The following SLC22A15 variants were observed in gnomAD, a reference collection of about 807,000 sequenced individuals.
The protein encoded by SLC22A15 is flipt 1.
Under a neutral mutation model 62.7 loss-of-function variants are expected in SLC22A15, and 45 were observed. That is an observed-to-expected ratio of 0.72 (90% CI 0.56 to 0.92). SLC22A15 has a LOEUF of 0.92. Among genes scored for constraint, SLC22A15 ranks in the 40% least tolerant of loss-of-function variants. The pLI is 0.00. For synonymous variants in SLC22A15, 264 were observed against 267.0 expected (o/e 0.99, Z 0.11); for missense variants, 622 against 665.6 (o/e 0.93, Z 0.72).
chr1:116,047,217 A>G (rs1657949241), intron 8 of SLC22A15, among the ~76,000 whole-genome samples: 1 of 152,132 alleles, frequency 6.6e-6, no homozygotes, highest in Admixed American at 6.6e-5. Context: ...TCACAAGGTC[A>G]GGAGTTCGAG....
chr1:115,981,209 C>G (rs1281689), intron 1 of SLC22A15, among the ~76,000 whole-genome samples: 57,319 of 152,100 alleles, frequency 0.38, 11,435 homozygotes, highest in East Asian at 0.58. Context: ...TAGTGAAGCT[C>G]TTGTTCAGTT....
rs140704465 is a variant in SLC22A15 at position 115,991,414 on chromosome 1, A to C, written c.88-617A>C. Among the ~76,000 whole-genome samples the C allele has an allele frequency of 1.7e-3, 264 of 152,360 alleles. 1 individual carries two copies. The highest frequency in any genetic ancestry group is 5.9e-3 in the African/African-American group (246 of 41,590). ...GACTAGGTACAACTCAGGGTTACAA[A>C]ATGAATATCTATAGCTGGGACTTTG... On this transcript the variant is annotated intron_variant, in intron 1 of 11. Transcript: ENST00000369503.
At chr1:116,032,714 AGAAAACCGTT>A (rs1657468346) in intron 6 of SLC22A15, 1 of 912,474 alleles carries the variant, frequency 1.1e-6, no homozygotes, top group Non-Finnish European at 1.3e-6. Flanking sequence ...ATGGAGATTA[AGAAAACCGTT>A]GAAAGCCAAA....
intron 2 of SLC22A15, among the ~76,000 whole-genome samples, chr1:115,998,285 A>T (rs1407329276): frequency 3.9e-5 from 6 of 152,014 alleles, no homozygotes; most frequent in African/African-American, 1.4e-4. Context: ...TGTCAGGGTA[A>T]TACTGGCCTC....
chr1:115,989,846 G>A (rs1432571229), intron 1 of SLC22A15, among the ~76,000 whole-genome samples: 1 of 151,966 alleles, frequency 6.6e-6, no homozygotes, highest in African/African-American at 2.4e-5. Context: ...CTCGCACATA[G>A]TTAGCATTAT....
At chr1:116,035,079 A>T in intron 6 of SLC22A15, 108 bp from the exon 7 acceptor site, 1 of 1,180,584 alleles carries the variant, frequency 8.5e-7, no homozygotes, top group Non-Finnish European at 1.2e-6. Flanking sequence ...ACAGCAGATC[A>T]AGCAATTATA....
chr1:116,001,761 G>A (rs1458214124), intron 2 of SLC22A15, among the ~76,000 whole-genome samples: 1 of 151,992 alleles, frequency 6.6e-6, no homozygotes, highest in Non-Finnish European at 1.5e-5. Flanking sequence ...ATTTCACTGA[G>A]CTTTCTCAAA....
At chr1:116,065,533 G>C (rs1197869886) in intron 10 of SLC22A15, among the ~76,000 whole-genome samples, 2 of 152,126 alleles carry the variant, frequency 1.3e-5, no homozygotes, top group Non-Finnish European at 2.9e-5. Flanking sequence ...TTCAACAACA[G>C]GCCCACAGTG....
chr1:115,980,738 G>A (rs1464986838), intron 1 of SLC22A15, among the ~76,000 whole-genome samples: 1 of 152,074 alleles, frequency 6.6e-6, no homozygotes, highest in Non-Finnish European at 1.5e-5. Flanking sequence ...GAAGGGAAGG[G>A]GTGGGCTTAG....
At chr1:115,983,115 T>G (rs139058285) in intron 1 of SLC22A15, among the ~76,000 whole-genome samples, 149 of 152,368 alleles carry the variant, frequency 9.8e-4, no homozygotes, top group African/African-American at 3.5e-3. Context: ...TGTTAGCACT[T>G]CTAAAAACAT....
chr1:116,041,799 G>C (rs1243623953), intron 8 of SLC22A15, among the ~76,000 whole-genome samples: 4 of 152,076 alleles, frequency 2.6e-5, no homozygotes, highest in Admixed American at 2.6e-4. Context: ...AAACTACTGA[G>C]GCCAGGGGGA....
At position 116,069,935 on chromosome 1, in the gene SLC22A15, C is replaced by T. The variant is rs527734088; in HGVS notation, c.*2827C>T. The stretch of plus-strand genomic sequence containing the variant: ...AGCTTCACATTAGGACTTCTCCATA[C>T]AAATGCTTTATCATTGGTTCTTAAA... On this transcript the variant is annotated 3_prime_UTR_variant, in exon 12 of 12. Transcript: ENST00000369503. 2 of 152,298 alleles carry T rather than the reference C, an allele frequency of 1.3e-5. No individual in the cohort carries two copies. The highest frequency in any genetic ancestry group is 3.4e-3 in the Middle Eastern group (1 of 294). 9.4% of individuals were successfully genotyped at this position (152,298 alleles called of 1,614,324 possible). A position where few individuals can be genotyped will look rare whatever the true frequency, so the allele number is the denominator to read the frequency against.
chr1:116,057,581 C>T (rs1234818361), intron 8 of SLC22A15, among the ~76,000 whole-genome samples: 1 of 152,182 alleles, frequency 6.6e-6, no homozygotes, highest in African/African-American at 2.4e-5. Flanking sequence ...GACTATAAAT[C>T]ATGCTGCTAT....
At chr1:116,058,989 A>G (rs758646284) in intron 8 of SLC22A15, among the ~76,000 whole-genome samples, 1 of 152,224 alleles carries the variant, frequency 6.6e-6, no homozygotes, top group Non-Finnish European at 1.5e-5. Context: ...ATAAAAGACT[A>G]CAAATAGGGT....
At chr1:116,056,711 T>C (rs908535752) in intron 8 of SLC22A15, among the ~76,000 whole-genome samples, 5 of 152,020 alleles carry the variant, frequency 3.3e-5, no homozygotes, top group Non-Finnish European at 7.4e-5. Flanking sequence ...AACAGAGATA[T>C]AGATCAATGG....
intron 8 of SLC22A15, among the ~76,000 whole-genome samples, chr1:116,041,404 G>A (rs1457397419): frequency 6.6e-6 from 1 of 152,148 alleles, no homozygotes; most frequent in Non-Finnish European, 1.5e-5. Flanking sequence ...TTTAAGCTCA[G>A]GCCATGATAG....
chr1:115,992,248 C>G lies in SLC22A15; in HGVS notation c.300+5C>G, dbSNP rs569439509. 6.4e-7 allele frequency: 1 copy of G among 1,565,438 alleles called. No homozygotes were observed. The highest frequency in any genetic ancestry group is 8.7e-7 in the Non-Finnish European group (1 of 1,153,492). On this transcript the variant is annotated splice_donor_5th_base_variant and intron_variant, in intron 2 of 11. Coordinates refer to ENST00000369503, the MANE Select transcript of SLC22A15 (RefSeq NM_018420.3). ...TTCACCTCCATCGCCTCGGAGGTAA[C>G]AACAGGCTGTTTCAATCACTAAATA...
At chr1:116,023,242 T>C (rs2101351876) in intron 4 of SLC22A15, among the ~76,000 whole-genome samples, 1 of 152,298 alleles carries the variant, frequency 6.6e-6, no homozygotes, top group Non-Finnish European at 1.5e-5. Context: ...CCAGTTTGCA[T>C]TGTAGTACTT....
intron 8 of SLC22A15, among the ~76,000 whole-genome samples, chr1:116,053,372 C>T (rs919254493): frequency 4.5e-4 from 69 of 152,106 alleles, no homozygotes; most frequent in Middle Eastern, 3.4e-3. Context: ...TAAAAAGAAA[C>T]GAACAAAGCC....
Sources: allele counts gnomAD v4.1 joint callset (sites outside exome capture counted in the v4.1 genomes callset), GRCh38; gene constraint gnomAD v4.1.1; transcripts MANE v1.5; gene names NCBI Gene and HGNC (gene_info 2026-07-23, HGNC 2026-07-21).